The following UCK2 variants were observed in gnomAD, a reference collection of about 807,000 sequenced individuals.
UCK2 encodes the protein cytidine monophosphokinase 2.
UCK2 carries 6 observed loss-of-function variants against 30.8 expected under a neutral mutation model. The ratio of observed to expected loss-of-function variants is 0.19; its 90% confidence interval spans 0.11 to 0.38. The LOEUF is 0.38. Ranked by LOEUF, UCK2 falls within the 10% of genes least tolerant of loss-of-function variation. The pLI is 1.00. For synonymous variants in UCK2, 125 were observed against 133.6 expected, an observed-to-expected ratio of 0.94 and a Z score of 0.45; for missense variants, 210 against 339.8, an observed-to-expected ratio of 0.62 and a Z score of 3.00.
chr1:165,858,923 A>G (rs368872748), intron 1 of UCK2, among the ~76,000 whole-genome samples: 7 of 152,284 alleles, frequency 4.6e-5, no homozygotes, highest in South Asian at 2.1e-4. Flanking sequence ...TTCAGGGACT[A>G]TTTTGTTAGC....
intron 1 of UCK2, among the ~76,000 whole-genome samples, chr1:165,877,915 T>TC (rs1655379394): frequency 1.3e-5 from 2 of 152,114 alleles, no homozygotes; most frequent in Non-Finnish European, 2.9e-5. Flanking sequence ...ATGCACAACC[T>TC]CCCCTATTAT....
chr1:165,881,182 TA>T (rs56886913), intron 1 of UCK2, among the ~76,000 whole-genome samples: 21,044 of 92,804 alleles, frequency 0.23, 1,957 homozygotes, highest in South Asian at 0.41. Flanking sequence ...CAATAAAACT[TA>T]AAAAAAAAAA....
intron 1 of UCK2, among the ~76,000 whole-genome samples, chr1:165,889,660 C>T (rs1408746263): frequency 2.1e-5 from 3 of 143,770 alleles, no homozygotes; most frequent in South Asian, 2.3e-4. Context: ...CTGTCACAGG[C>T]GTGTAAGGCG....
intron 1 of UCK2, among the ~76,000 whole-genome samples, chr1:165,874,291 A>G (rs1655278454): frequency 6.6e-6 from 1 of 151,988 alleles, no homozygotes; most frequent in South Asian, 2.1e-4. Context: ...GTTATGCTAG[A>G]CCCCTGTTGA....
At chr1:165,835,864 C>T (rs1435398348) in intron 1 of UCK2, among the ~76,000 whole-genome samples, 4 of 152,088 alleles carry the variant, frequency 2.6e-5, no homozygotes, top group African/African-American at 9.7e-5. Context: ...ATTTCCTGTT[C>T]TCATGAATCT....
chr1:165,904,085 G>A (rs3790671), intron 5 of UCK2: 36,838 of 152,196 alleles, frequency 0.24, 5,361 homozygotes, highest in East Asian at 0.49. Context: ...GGGAGGAAGG[G>A]AAGGAAGAGC....
At chr1:165,889,618 G>T (rs908698965) in intron 1 of UCK2, among the ~76,000 whole-genome samples, 1 of 151,888 alleles carries the variant, frequency 6.6e-6, no homozygotes, top group East Asian at 1.9e-4. Flanking sequence ...TAAGGGAAGG[G>T]AGGAAGGAAC....
chr1:165,842,043 C>T (rs1213400231), intron 1 of UCK2, among the ~76,000 whole-genome samples: 2 of 152,192 alleles, frequency 1.3e-5, no homozygotes, highest in Non-Finnish European at 2.9e-5. Context: ...CAGTAATCAC[C>T]TAGTCTCTAA....
At chr1:165,864,134 G>C (rs1654987754) in intron 1 of UCK2, among the ~76,000 whole-genome samples, 1 of 152,122 alleles carries the variant, frequency 6.6e-6, no homozygotes, top group African/African-American at 2.4e-5. Flanking sequence ...TTTTAGTAGA[G>C]ACAGGCTTTC....
At chr1:165,902,527 T>G (rs1236508261) in intron 4 of UCK2, 2 of 149,264 alleles carry the variant, frequency 1.3e-5, no homozygotes, top group African/African-American at 4.9e-5. Context: ...GTTGTCAATT[T>G]GGGCTTCATC....
chr1:165,828,513 T>G (rs1292321334), intron 1 of UCK2, among the ~76,000 whole-genome samples: 2 of 152,206 alleles, frequency 1.3e-5, no homozygotes, highest in Non-Finnish European at 2.9e-5. Flanking sequence ...CGGGTAAAAG[T>G]CTGAGAGCCA....
At chr1:165,865,327 C>G (rs910106166) in intron 1 of UCK2, among the ~76,000 whole-genome samples, 1 of 152,170 alleles carries the variant, frequency 6.6e-6, no homozygotes, top group Non-Finnish European at 1.5e-5. Context: ...ATTCTTGGTG[C>G]TTGCTGTTGG....
At chr1:165,846,911 G>A (rs772150490) in intron 1 of UCK2, among the ~76,000 whole-genome samples, 41 of 151,674 alleles carry the variant, frequency 2.7e-4, no homozygotes, top group Non-Finnish European at 4.9e-4. Flanking sequence ...GCCTGTATGC[G>A]GGGGCACCTG....
chr1:165,870,971 C>T (rs1415905623), intron 1 of UCK2, among the ~76,000 whole-genome samples: 1 of 152,192 alleles, frequency 6.6e-6, no homozygotes, highest in African/African-American at 2.4e-5. Context: ...GCATGTGCCA[C>T]CATGCTTGGC....
At chr1:165,860,349 T>C (rs1229084277) in intron 1 of UCK2, among the ~76,000 whole-genome samples, 2 of 152,226 alleles carry the variant, frequency 1.3e-5, no homozygotes, top group African/African-American at 4.8e-5. Flanking sequence ...ATTGCTTTTC[T>C]ACTGTTGACA....
rs1654307708 is a variant in UCK2, at chr1:165,840,751, T to C, written c.99+12819T>C. Reference sequence around the variant, plus strand: ...GCTTTCTGTAGGCCTTAGCGATCCTTTCCTGTAGTTAAGTTGTGCCTTTTT... The same window carrying C: ...GCTTTCTGTAGGCCTTAGCGATCCTCTCCTGTAGTTAAGTTGTGCCTTTTT... On this transcript the variant is annotated intron_variant, in intron 1 of 6. Transcript: ENST00000367879. 2.0e-5 allele frequency among the ~76,000 whole-genome samples: 3 copies of C among 152,202 alleles called. No individual in the cohort carries two copies. In the South Asian group the frequency reaches 6.2e-4, roughly 31 times the overall value.
intron 1 of UCK2, among the ~76,000 whole-genome samples, chr1:165,836,470 A>T (rs1199987153): frequency 6.6e-6 from 1 of 152,208 alleles, no homozygotes; most frequent in African/African-American, 2.4e-5. Flanking sequence ...ACTTAGACTC[A>T]GTTTTTACCT....
In UCK2 at chr1:165,827,796, C is replaced by G. The variant is rs761644178; in HGVS notation, c.-38C>G. On this transcript the variant is annotated 5_prime_UTR_variant, in exon 1 of 7. Coordinates refer to ENST00000367879, the MANE Select transcript of UCK2 (RefSeq NM_012474.5). ...CGGGCGCGGGCGGGGAGCGTGCGTC[C>G]GTTCGCACAGGCAGCGGGAGGAGGG... 7.4e-7 allele frequency: 1 copy of G among 1,359,234 alleles called. No individual in the cohort carries two copies. Among genetic ancestry groups the G allele is most frequent in the South Asian group, 1.9e-5 (1 of 53,608 alleles). The allele number at this position is 1,359,234 out of a possible 1,614,324, so 84.2% of individuals were successfully genotyped here. A position where few individuals can be genotyped will look rare whatever the true frequency, so the allele number is the denominator to read the frequency against.
chr1:165,847,716 C>T (rs563167844), intron 1 of UCK2, among the ~76,000 whole-genome samples: 2 of 152,056 alleles, frequency 1.3e-5, no homozygotes, highest in African/African-American at 4.8e-5. Context: ...TGACCTCAAG[C>T]GATCCTCCTG....
Sources: gnomAD v4.1 joint callset for allele counts (sites outside exome capture counted in the v4.1 genomes callset) on GRCh38, gnomAD v4.1.1 for gene constraint, MANE v1.5 for transcripts, NCBI Gene and HGNC (gene_info 2026-07-23, HGNC 2026-07-21) for gene names.